The following ZNF804A variants were observed in gnomAD, a reference collection of about 807,000 sequenced individuals.
ZNF804A encodes zinc finger protein 804A.
In ZNF804A, 2 loss-of-function variants were observed where a neutral mutation model predicts 16.5. The observed-to-expected ratio is 0.12, with a 90% CI of 0.05 to 0.38. The LOEUF is 0.38. ZNF804A is among the 10% of genes least tolerant of loss of function. The probability of loss-of-function intolerance (pLI) is 0.99; values close to 1 mark genes in which losing one functional copy is unlikely to be tolerated. For missense variants in ZNF804A, 1,473 were observed against 1,390.7 expected (o/e 1.06, Z -0.94); for synonymous variants, 534 against 489.6 (o/e 1.09, Z -1.20).
intron 1 of ZNF804A, among the ~76,000 whole-genome samples, chr2:184,788,423 G>A (rs1359851372): frequency 4.0e-5 from 6 of 151,760 alleles, no homozygotes; most frequent in South Asian, 4.2e-4. Context: ...AGATTACTTC[G>A]GGTAGAATGG....
intron 2 of ZNF804A, among the ~76,000 whole-genome samples, chr2:184,903,328 T>C (rs1167846694): frequency 6.6e-6 from 1 of 152,108 alleles, no homozygotes; most frequent in Admixed American, 6.6e-5. Context: ...TTATACTAAC[T>C]GTATTTTTAC....
intron 1 of ZNF804A, among the ~76,000 whole-genome samples, chr2:184,755,322 A>G (rs2105760656): frequency 6.6e-6 from 1 of 152,030 alleles, no homozygotes; most frequent in Non-Finnish European, 1.5e-5. Flanking sequence ...AACTTTCTAT[A>G]ATATGATTCC....
At chr2:184,639,825 ACC>A (rs1691763904) in intron 1 of ZNF804A, among the ~76,000 whole-genome samples, 1 of 151,750 alleles carries the variant, frequency 6.6e-6, no homozygotes, top group Non-Finnish European at 1.5e-5. Flanking sequence ...ATATGGTGAA[ACC>A]CCGTCTCTAC....
chr2:184,888,968 A>T (rs1477692780), intron 2 of ZNF804A, among the ~76,000 whole-genome samples: 1 of 152,042 alleles, frequency 6.6e-6, no homozygotes, highest in Non-Finnish European at 1.5e-5. Flanking sequence ...ATCTGAAAAA[A>T]AAACGTTTAT....
At chr2:184,870,964 G>A (rs1415249028) in intron 2 of ZNF804A, among the ~76,000 whole-genome samples, 1 of 151,542 alleles carries the variant, frequency 6.6e-6, no homozygotes, top group Admixed American at 6.6e-5. Context: ...ACCATTTAAT[G>A]TTGATATAGT....
chr2:184,816,066 C>T (rs1395955576), intron 1 of ZNF804A, among the ~76,000 whole-genome samples: 2 of 152,044 alleles, frequency 1.3e-5, no homozygotes, highest in Non-Finnish European at 2.9e-5. Flanking sequence ...TAACATCTTT[C>T]ATCATTCCAT....
chr2:184,857,683 AGC>A (rs1695723199), intron 1 of ZNF804A, among the ~76,000 whole-genome samples: 2 of 152,154 alleles, frequency 1.3e-5, no homozygotes, highest in African/African-American at 2.4e-5. Flanking sequence ...ATATTGTTAT[AGC>A]CTCTACTAAG....
chr2:184,795,965 T>C (rs1694624383), intron 1 of ZNF804A, among the ~76,000 whole-genome samples: 1 of 151,000 alleles, frequency 6.6e-6, no homozygotes. Flanking sequence ...TTTTTACATC[T>C]ATTGAGATGA....
intron 2 of ZNF804A, among the ~76,000 whole-genome samples, chr2:184,887,919 A>G (rs957490960): frequency 2.0e-5 from 3 of 152,146 alleles, no homozygotes; most frequent in African/African-American, 7.2e-5. Context: ...GGAGCTAAAC[A>G]TTGAGTATAT....
chr2:184,813,438 G>T (rs1694930466), intron 1 of ZNF804A, among the ~76,000 whole-genome samples: 1 of 152,018 alleles, frequency 6.6e-6, no homozygotes, highest in Non-Finnish European at 1.5e-5. Flanking sequence ...AGGATTTAAA[G>T]TAATAGGAAA....
At chr2:184,735,157 A>G (rs1292537444) in intron 1 of ZNF804A, among the ~76,000 whole-genome samples, 1 of 152,090 alleles carries the variant, frequency 6.6e-6, no homozygotes, top group Non-Finnish European at 1.5e-5. Flanking sequence ...TTGGTGTTTA[A>G]AATGATTATC....
intron 1 of ZNF804A, among the ~76,000 whole-genome samples, chr2:184,753,383 G>A (rs546203400): frequency 6.6e-6 from 1 of 151,552 alleles, no homozygotes; most frequent in East Asian, 1.9e-4. Flanking sequence ...AATGCTGGAC[G>A]GCATATCACA....
At chr2:184,892,243 C>A (rs1026437805) in intron 2 of ZNF804A, among the ~76,000 whole-genome samples, 1 of 152,038 alleles carries the variant, frequency 6.6e-6, no homozygotes, top group East Asian at 1.9e-4. Context: ...TTTTTATCAC[C>A]TAATAAATAT....
At chr2:184,651,450 TTAAAC>T (rs1273670926) in intron 1 of ZNF804A, among the ~76,000 whole-genome samples, 1 of 151,970 alleles carries the variant, frequency 6.6e-6, no homozygotes, top group Non-Finnish European at 1.5e-5. Context: ...TGAGACCTAA[TTAAAC>T]TAAAAAGCTT....
chr2:184,913,784 C>T (rs1421409965), intron 2 of ZNF804A, among the ~76,000 whole-genome samples: 3 of 152,098 alleles, frequency 2.0e-5, no homozygotes, highest in Non-Finnish European at 4.4e-5. Context: ...CAAGGTCACT[C>T]AATAATAGTT....
chr2:184,804,011 C>A (rs1012821134), intron 1 of ZNF804A, among the ~76,000 whole-genome samples: 6 of 151,964 alleles, frequency 3.9e-5, no homozygotes, highest in Non-Finnish European at 8.8e-5. Context: ...TAGAGGTGTG[C>A]GCCAACATGC....
chr2:184,725,771 C>A (rs1693399390), intron 1 of ZNF804A, among the ~76,000 whole-genome samples: 1 of 151,514 alleles, frequency 6.6e-6, no homozygotes. Flanking sequence ...GATGCTACCC[C>A]TTTATCCCCT....
At position 184,761,105 on chromosome 2, in the gene ZNF804A, G is replaced by A. The variant is rs145479026; in HGVS notation, c.112-105264G>A. Among the ~76,000 whole-genome samples the A allele has an allele frequency of 1.9e-3, 295 of 152,072 alleles. 1 individual carries two copies. Among genetic ancestry groups the A allele is most frequent in the African/African-American group, 6.7e-3 (279 of 41,508 alleles). ...GAGTTCTTACTGGAATACTTTTCAC[G>A]GAACTTAAATTAGTTTTACTACCTC... On this transcript the variant is annotated intron_variant, in intron 1 of 3. Transcript: ENST00000302277.
chr2:184,828,475 G>A (rs1695207483), intron 1 of ZNF804A, among the ~76,000 whole-genome samples: 1 of 151,208 alleles, frequency 6.6e-6, no homozygotes, highest in Admixed American at 6.6e-5. Flanking sequence ...AATACAAAGA[G>A]CTCTTTGTTT....
Sources: gnomAD v4.1 joint callset for allele counts (sites outside exome capture counted in the v4.1 genomes callset) on GRCh38, gnomAD v4.1.1 for gene constraint, MANE v1.5 for transcripts, NCBI Gene and HGNC (gene_info 2026-07-23, HGNC 2026-07-21) for gene names.